The following MBP variants were observed in gnomAD, a reference collection of about 807,000 sequenced individuals.
MBP encodes Golli-MBP.
Under a neutral mutation model 35.8 loss-of-function variants are expected in MBP, and 16 were observed. That is an observed-to-expected ratio of 0.45 (90% CI 0.30 to 0.68). The LOEUF (loss-of-function observed/expected upper bound fraction) is 0.68. Ranked by LOEUF, MBP falls within the 30% of genes least tolerant of loss-of-function variation. The pLI is 0.08. For synonymous variants in MBP, 143 were observed against 159.6 expected (o/e 0.90, Z 0.78); for missense variants, 380 against 404.7 (o/e 0.94, Z 0.52).
intron 4 of MBP, among the ~76,000 whole-genome samples, chr18:77,009,316 C>T (rs538756596): frequency 1.3e-5 from 2 of 152,366 alleles, no homozygotes; most frequent in East Asian, 3.9e-4. Context: ...AGCCCACTTC[C>T]TATGCAGAGC....
At chr18:77,022,901 T>C (rs971725184) in intron 3 of MBP, among the ~76,000 whole-genome samples, 2 of 152,358 alleles carry the variant, frequency 1.3e-5, no homozygotes, top group Middle Eastern at 3.4e-3. Flanking sequence ...AATATTGCCT[T>C]CAGTCAAACG....
intron 2 of MBP, among the ~76,000 whole-genome samples, chr18:77,103,524 CA>C (rs1196228174): frequency 6.6e-6 from 1 of 152,170 alleles, no homozygotes; most frequent in East Asian, 1.9e-4. Context: ...GTTGAAAAAT[CA>C]AAAGTATTTT....
intron 3 of MBP, among the ~76,000 whole-genome samples, chr18:77,033,014 CT>C (rs1328224449): frequency 6.6e-6 from 1 of 152,246 alleles, no homozygotes; most frequent in Admixed American, 6.5e-5. Context: ...GTGACCCAGG[CT>C]GGAGTGCGGA....
chr18:77,106,061 G>A (rs1474551909), intron 1 of MBP, among the ~76,000 whole-genome samples: 2 of 152,136 alleles, frequency 1.3e-5, no homozygotes, highest in African/African-American at 4.8e-5. Flanking sequence ...CCCAGACCAC[G>A]CTGCAGGTGA....
chr18:77,005,286 G>A (rs1453201528), intron 4 of MBP: 3 of 152,266 alleles, frequency 2.0e-5, no homozygotes, highest in Non-Finnish European at 4.4e-5. Context: ...AAATGGTTGT[G>A]TGCTTTCCGC....
At chr18:77,053,894 C>T (rs765444360) in intron 3 of MBP, among the ~76,000 whole-genome samples, 3 of 152,244 alleles carry the variant, frequency 2.0e-5, no homozygotes, top group Non-Finnish European at 2.9e-5. Context: ...ACTTTCCATC[C>T]GGAGTCGGGG....
Position 77,052,809 on chromosome 18 carries a change from A to T in MBP, c.139+13489T>A, listed in dbSNP as rs571867697. On this transcript the variant is annotated intron_variant, in intron 3 of 8. Coordinates refer to ENST00000355994, the MANE Select transcript of MBP (RefSeq NM_001025101.2). The stretch of plus-strand genomic sequence containing the variant: ...TGCCAGCCCAGCAACACCGGGCCTG[A>T]GTCCCCGAGCCCCCACTCCTCTCCA... Among the ~76,000 whole-genome samples, 9 of 152,156 alleles carry T rather than the reference A, an allele frequency of 5.9e-5. No individual in the cohort carries two copies. In the South Asian group the frequency reaches 1.9e-3, roughly 32 times the overall value.
intron 3 of MBP, 97 bp downstream of exon 3, chr18:77,066,201 A>T: frequency 1.2e-6 from 1 of 827,032 alleles, no homozygotes; most frequent in Non-Finnish European, 2.1e-6. Flanking sequence ...TCCATGGATC[A>T]CCCATGCAAT....
intron 2 of MBP, among the ~76,000 whole-genome samples, chr18:77,088,525 C>T (rs1975362690): frequency 6.6e-6 from 1 of 152,126 alleles, no homozygotes; most frequent in East Asian, 1.9e-4. Flanking sequence ...AATTGGGAAA[C>T]ATTATTCTGG....
intron 2 of MBP, among the ~76,000 whole-genome samples, chr18:77,089,954 GTCAGACACTCACAGA>G (rs1412087807): frequency 6.6e-6 from 1 of 152,134 alleles, no homozygotes; most frequent in Non-Finnish European, 1.5e-5. Flanking sequence ...TGACAGGATA[GTCAGACACTCACAGA>G]TCAGACAGTA....
chr18:77,067,672 C>T (rs1258366218), intron 2 of MBP: 6 of 387,332 alleles, frequency 1.5e-5, no homozygotes, highest in Admixed American at 5.7e-5. Flanking sequence ...CCAGCAGCAC[C>T]GGGAGGCTGC....
chr18:77,038,302 C>A (rs1972855574), intron 3 of MBP, among the ~76,000 whole-genome samples: 1 of 152,236 alleles, frequency 6.6e-6, no homozygotes. Flanking sequence ...AGATGCATAA[C>A]AAGGACTGGC....
chr18:77,031,159 C>T (rs1972527423), intron 3 of MBP, among the ~76,000 whole-genome samples: 1 of 152,216 alleles, frequency 6.6e-6, no homozygotes, highest in African/African-American at 2.4e-5. Context: ...AAAAACTCCA[C>T]ACTAAACTGA....
chr18:76,982,723 C>G (rs934608791), intron 8 of MBP: 2 of 152,176 alleles, frequency 1.3e-5, no homozygotes, highest in African/African-American at 4.8e-5. Flanking sequence ...GCCTCTAGAC[C>G]CCCTCATTTC....
chr18:77,065,472 C>T (rs889450295), intron 3 of MBP, among the ~76,000 whole-genome samples: 16 of 152,114 alleles, frequency 1.1e-4, no homozygotes, highest in African/African-American at 2.9e-4. Context: ...TTCCAACACA[C>T]GAAATGTAGG....
intron 2 of MBP, among the ~76,000 whole-genome samples, chr18:77,103,506 T>C (rs1421357137): frequency 6.6e-6 from 1 of 152,192 alleles, no homozygotes; most frequent in East Asian, 1.9e-4. Flanking sequence ...GTTTAAAAAA[T>C]AAAAAATGTT....
At chr18:77,085,910 C>A (rs945477679) in intron 2 of MBP, among the ~76,000 whole-genome samples, 7 of 152,074 alleles carry the variant, frequency 4.6e-5, no homozygotes, top group Non-Finnish European at 8.8e-5. Flanking sequence ...TCTCGATCTC[C>A]TGACCTCGTG....
At chr18:77,118,582 C>T (rs185421746) in intron 1 of MBP, among the ~76,000 whole-genome samples, 2 of 151,496 alleles carry the variant, frequency 1.3e-5, no homozygotes, top group South Asian at 2.1e-4. Context: ...ACAGGCCACC[C>T]GCCCCACCCA....
Position 77,051,712 on chromosome 18 carries a change from GAGA to G in MBP, c.139+14583_139+14585del, listed in dbSNP as rs538426113. 9.9e-5 allele frequency among the ~76,000 whole-genome samples: 15 copies of G among 152,256 alleles called. No individual in the cohort carries two copies. The South Asian group carries it at 2.1e-3, about 21-fold the overall frequency. ...TACATCAAATTTAACACCTTCCAGG[GAGA>G]AGAAGAAAGGGCGGAATGAATATGG... is the stretch of plus-strand genomic sequence containing the variant. On this transcript the variant is annotated intron_variant, in intron 3 of 8. Transcript: ENST00000355994.
Sources: gnomAD v4.1 joint callset for allele counts (sites outside exome capture counted in the v4.1 genomes callset) on GRCh38, gnomAD v4.1.1 for gene constraint, MANE v1.5 for transcripts, NCBI Gene and HGNC (gene_info 2026-07-23, HGNC 2026-07-21) for gene names.